The following GABRB1 variants were observed in gnomAD, a reference collection of about 807,000 sequenced individuals.
The protein encoded by GABRB1 is gamma-aminobutyric acid type A receptor subunit beta1.
GABRB1 carries 17 observed loss-of-function variants against 51.6 expected under a neutral mutation model. That is an observed-to-expected ratio of 0.33 (90% CI 0.23 to 0.49). GABRB1 has a LOEUF of 0.49. Ranked by LOEUF, GABRB1 falls within the 20% of genes least tolerant of loss-of-function variation. The pLI is 0.99. For synonymous variants in GABRB1, 247 were observed against 218.9 expected (o/e 1.13, Z -1.14); for missense variants, 410 against 600.6 (o/e 0.68, Z 3.32).
At chr4:47,375,890 A>G (rs1474990061) in intron 5 of GABRB1, among the ~76,000 whole-genome samples, 1 of 152,204 alleles carries the variant, frequency 6.6e-6, no homozygotes, top group Non-Finnish European at 1.5e-5. Context: ...TGATAGATCC[A>G]TGAGCTGGGA....
At chr4:47,269,888 A>T (rs1358140332) in intron 4 of GABRB1, among the ~76,000 whole-genome samples, 1 of 150,664 alleles carries the variant, frequency 6.6e-6, no homozygotes, top group Non-Finnish European at 1.5e-5. Flanking sequence ...TACATTATTC[A>T]CTACTTAACA....
chr4:47,258,335 C>T (rs957204292), intron 4 of GABRB1, among the ~76,000 whole-genome samples: 4 of 152,076 alleles, frequency 2.6e-5, no homozygotes, highest in Non-Finnish European at 5.9e-5. Flanking sequence ...TAGGAGTTTT[C>T]CCAACAATAT....
chr4:47,149,386 T>C (rs767814804), intron 3 of GABRB1, among the ~76,000 whole-genome samples: 3 of 152,068 alleles, frequency 2.0e-5, no homozygotes, highest in Non-Finnish European at 4.4e-5. Context: ...AGTATTTCAA[T>C]TGATCATCCC....
rs532209207 is a variant in GABRB1 at position 47,226,594 on chromosome 4, C to CT, written c.461+65132dup. Among the ~76,000 whole-genome samples, 12 of 152,118 alleles carry CT rather than the reference C, an allele frequency of 7.9e-5. No individual in the cohort carries two copies. In the South Asian group the frequency reaches 1.9e-3, roughly 24 times the overall value. On this transcript the variant is annotated intron_variant, in intron 4 of 8. Transcript: ENST00000295454. ...CTAGCCAAATCTCTTCAATAAAATC[C>CT]TTTTTTTATATAAAACACAGAAAGA...
At chr4:47,030,682 A>C (rs1008498583), upstream of GABRB1, among the ~76,000 whole-genome samples, 2 of 152,220 alleles carry the variant, frequency 1.3e-5, no homozygotes, top group Non-Finnish European at 2.9e-5. Context: ...AATTTGATTT[A>C]ATTCAAACAA....
At chr4:47,016,258 G>A (rs1471937140) in intron 1 of GABRB1, among the ~76,000 whole-genome samples, 1 of 152,116 alleles carries the variant, frequency 6.6e-6, no homozygotes, top group African/African-American at 2.4e-5. Flanking sequence ...GGCTGCAAAA[G>A]CCAAAAATTC....
chr4:47,155,916 C>CATATATATAT (rs10525795), intron 3 of GABRB1, among the ~76,000 whole-genome samples: 1,503 of 73,420 alleles, frequency 0.02, 143 homozygotes, highest in Middle Eastern at 0.028. Flanking sequence ...GAGGTATTTT[C>CATATATATAT]ATATATATAT....
Position 47,354,987 on chromosome 4 carries a change from T to G in GABRB1, c.544+34778T>G, listed in dbSNP as rs1466015067. On this transcript the variant is annotated intron_variant, in intron 5 of 8. Coordinates refer to ENST00000295454, the MANE Select transcript of GABRB1 (RefSeq NM_000812.4). ...TTCTTTCTTTCTTCCTTTGTTTTTT[T>G]TTTTTTTTTTTTTTTTTTGACAGAA... 3.2e-4 allele frequency among the ~76,000 whole-genome samples: 42 copies of G among 132,338 alleles called. 1 individual carries two copies. Among genetic ancestry groups the G allele is most frequent in the African/African-American group, 1.1e-3 (39 of 34,530 alleles). 86.8% of individuals were successfully genotyped at this position (132,338 alleles called of 152,430 possible).
chr4:47,155,947 G>C (rs868472444), intron 3 of GABRB1, among the ~76,000 whole-genome samples: 1 of 29,726 alleles, frequency 3.4e-5, no homozygotes, highest in Non-Finnish European at 9.9e-5. Context: ...ATATATATAT[G>C]AAACCACTTT....
intron 4 of GABRB1, among the ~76,000 whole-genome samples, chr4:47,169,298 A>G (rs983752942): frequency 7.2e-5 from 11 of 152,188 alleles, no homozygotes; most frequent in African/African-American, 2.7e-4. Context: ...CAGTGAAAGC[A>G]GGATAAATGC....
chr4:47,099,263 G>A (rs1168079596), intron 3 of GABRB1, among the ~76,000 whole-genome samples: 1 of 152,140 alleles, frequency 6.6e-6, no homozygotes, highest in East Asian at 1.9e-4. Context: ...AGAAATAGGA[G>A]TTTGACTATA....
rs138862719 is a variant in GABRB1, at chr4:47,289,431, T to C, written c.462-30696T>C. ...AAATTGTTATTAGGGGTGGGGAAGA[T>C]TTTTCATAGATTATAACAAACCAAA... On this transcript the variant is annotated intron_variant, in intron 4 of 8. Coordinates refer to ENST00000295454, the MANE Select transcript of GABRB1 (RefSeq NM_000812.4). Among the ~76,000 whole-genome samples the C allele has an allele frequency of 1.3e-3, 192 of 152,282 alleles. 1 individual carries two copies. In the East Asian group the frequency reaches 0.02, roughly 16 times the overall value.
chr4:47,395,805 T>G (rs896448036), intron 5 of GABRB1, among the ~76,000 whole-genome samples: 5 of 152,206 alleles, frequency 3.3e-5, no homozygotes, highest in Admixed American at 2.0e-4. Context: ...TATCTGTCCC[T>G]CCAGAGTTTT....
chr4:47,036,387 C>G (rs1422862194), intron 3 of GABRB1, among the ~76,000 whole-genome samples: 1 of 152,126 alleles, frequency 6.6e-6, no homozygotes, highest in Non-Finnish European at 1.5e-5. Flanking sequence ...TTCTCTAGGT[C>G]AGTGCTTCTC....
At chr4:47,115,253 C>G (rs1715413485) in intron 3 of GABRB1, among the ~76,000 whole-genome samples, 1 of 152,108 alleles carries the variant, frequency 6.6e-6, no homozygotes, top group Non-Finnish European at 1.5e-5. Flanking sequence ...TAGGAATTCT[C>G]TTTAAATATT....
intron 1 of GABRB1, among the ~76,000 whole-genome samples, chr4:47,013,488 G>A (rs1424706189): frequency 6.6e-6 from 1 of 152,124 alleles, no homozygotes. Flanking sequence ...ACAAAATGAT[G>A]TTTCTTGGTT....
chr4:47,023,358 G>C (rs1009840921), intron 1 of GABRB1, among the ~76,000 whole-genome samples: 1 of 151,880 alleles, frequency 6.6e-6, no homozygotes, highest in Non-Finnish European at 1.5e-5. Flanking sequence ...AAGGATTAAC[G>C]CTTGAGGGGA....
At chr4:47,342,540 T>C (rs1221377406) in intron 5 of GABRB1, among the ~76,000 whole-genome samples, 1 of 152,222 alleles carries the variant, frequency 6.6e-6, no homozygotes, top group Non-Finnish European at 1.5e-5. Flanking sequence ...ACCTCAGCTT[T>C]ATCACTTAGT....
intron 4 of GABRB1, among the ~76,000 whole-genome samples, chr4:47,216,706 T>C (rs1235041931): frequency 1.3e-5 from 2 of 151,874 alleles, no homozygotes; most frequent in Non-Finnish European, 2.9e-5. Context: ...TCCATCTGAT[T>C]GACAAACTTA....
Sources: gnomAD v4.1 joint callset for allele counts (sites outside exome capture counted in the v4.1 genomes callset) on GRCh38, gnomAD v4.1.1 for gene constraint, MANE v1.5 for transcripts, NCBI Gene and HGNC (gene_info 2026-07-23, HGNC 2026-07-21) for gene names.